Variants in RAB3GAP1 observed in about 807,000 individuals in gnomAD.
The protein encoded by RAB3GAP1 is RAB3 GTPase activating protein catalytic subunit 1.
RAB3GAP1 carries 86 observed loss-of-function variants against 130.7 expected under a neutral mutation model. That is an observed-to-expected ratio of 0.66 (90% CI 0.55 to 0.79). RAB3GAP1 has a LOEUF of 0.79. RAB3GAP1 is among the 30% of genes least tolerant of loss of function. RAB3GAP1 has a pLI of 0.00. For synonymous variants in RAB3GAP1, 367 were observed against 401.7 expected, an observed-to-expected ratio of 0.91 and a Z score of 1.03; for missense variants, 1,029 against 1,169.4, an observed-to-expected ratio of 0.88 and a Z score of 1.75.
chr2:135,090,913 AAG>A (rs1323933720), intron 3 of RAB3GAP1, 83 bp from the exon 4 acceptor site: 25 of 1,304,728 alleles, frequency 1.9e-5, no homozygotes, highest in South Asian at 3.7e-5. Context: ...AGGGCAGAAA[AAG>A]GGGAAAATAT....
intron 3 of RAB3GAP1, among the ~76,000 whole-genome samples, chr2:135,078,688 C>T (rs1370519888): frequency 5.5e-5 from 4 of 72,554 alleles, no homozygotes; most frequent in African/African-American, 3.1e-4. Flanking sequence ...CCCTCCCCTC[C>T]CCTGCCCTCC....
In RAB3GAP1 at chr2:135,169,628, A is replaced by C. The variant is rs1473001925; in HGVS notation, c.*847A>C. The C allele has an allele frequency of 2.6e-6, 1 of 379,686 alleles. No homozygotes were observed. The highest frequency in any genetic ancestry group is 2.1e-5 in the African/African-American group (1 of 47,492). 23.5% of individuals were successfully genotyped at this position (379,686 alleles called of 1,614,324 possible). On this transcript the variant is annotated 3_prime_UTR_variant, in exon 24 of 24. Transcript: ENST00000264158. Reference sequence around the variant, plus strand: ...TAGAGAATAGCACTTGCAAAAATACAGTCTTGGTACCTAGAGACTGTCATG... The same window carrying C: ...TAGAGAATAGCACTTGCAAAAATACCGTCTTGGTACCTAGAGACTGTCATG...
At chr2:135,173,600 C>A (rs1016593646), downstream of RAB3GAP1, among the ~76,000 whole-genome samples, 1 of 152,134 alleles carries the variant, frequency 6.6e-6, no homozygotes, top group African/African-American at 2.4e-5. Flanking sequence ...GCCTCGAGGG[C>A]AGTCTGGGAA....
At chr2:135,123,283 C>T (rs1691255278) in intron 8 of RAB3GAP1, among the ~76,000 whole-genome samples, 2 of 152,108 alleles carry the variant, frequency 1.3e-5, no homozygotes, top group African/African-American at 2.4e-5. Flanking sequence ...TACAAACTCA[C>T]TTGTAACAAT....
chr2:135,140,111 A>ATG (rs1237178174), intron 17 of RAB3GAP1, among the ~76,000 whole-genome samples: 2 of 152,176 alleles, frequency 1.3e-5, no homozygotes, highest in Non-Finnish European at 2.9e-5. Flanking sequence ...ATTCTATTCT[A>ATG]TGAATTTGTC....
intron 11 of RAB3GAP1, among the ~76,000 whole-genome samples, chr2:135,127,380 G>T (rs1324569198): frequency 6.6e-6 from 1 of 150,836 alleles, no homozygotes; most frequent in Non-Finnish European, 1.5e-5. Flanking sequence ...GTCTCACCCT[G>T]TCGCCCAGGC....
chr2:135,173,188 C>T (rs780909482), downstream of RAB3GAP1, among the ~76,000 whole-genome samples: 1 of 151,886 alleles, frequency 6.6e-6, no homozygotes, highest in Non-Finnish European at 1.5e-5. Flanking sequence ...ATAACTAATA[C>T]CCAAGCGGTT....
intron 4 of RAB3GAP1, among the ~76,000 whole-genome samples, chr2:135,092,882 C>T (rs1300765879): frequency 1.3e-5 from 2 of 152,126 alleles, no homozygotes; most frequent in South Asian, 2.1e-4. Context: ...TACAGATACG[C>T]GTTTAAAACT....
At chr2:135,137,308 C>T (rs994587047) in intron 17 of RAB3GAP1, 2 of 238,584 alleles carry the variant, frequency 8.4e-6, no homozygotes, top group African/African-American at 2.3e-5. Context: ...TGAGTATGAT[C>T]GCTTAGGGTG....
intron 23 of RAB3GAP1, among the ~76,000 whole-genome samples, chr2:135,166,894 T>G (rs1318086854): frequency 6.6e-6 from 1 of 152,206 alleles, no homozygotes; most frequent in East Asian, 1.9e-4. Context: ...CTACTGAAAT[T>G]GTACATCCAT....
At chr2:135,129,262 C>CT (rs1388235340) in intron 11 of RAB3GAP1, among the ~76,000 whole-genome samples, 4 of 151,860 alleles carry the variant, frequency 2.6e-5, no homozygotes, top group Non-Finnish European at 5.9e-5. Context: ...ACCATCCTGG[C>CT]TAACACAGTG....
At chr2:135,094,233 T>G (rs935340147) in intron 5 of RAB3GAP1, among the ~76,000 whole-genome samples, 6 of 152,152 alleles carry the variant, frequency 3.9e-5, no homozygotes, top group Non-Finnish European at 8.8e-5. Flanking sequence ...AGCAGGCTTT[T>G]CTTTTCTTTT....
chr2:135,141,229 T>TTC lies in RAB3GAP1; in HGVS notation c.1923+5298_1923+5299insCT, dbSNP rs557405809. 3.9e-3 allele frequency among the ~76,000 whole-genome samples: 477 copies of TTC among 123,278 alleles called. 8 individuals carry two copies. The highest frequency in any genetic ancestry group is 0.015 in the African/African-American group (443 of 30,056). The allele number at this position is 123,278 out of a possible 152,430, so 80.9% of individuals were successfully genotyped here. On this transcript the variant is annotated intron_variant, in intron 17 of 23. Transcript: ENST00000264158. Reference sequence around the variant, plus strand: ...TGTTGCTTATCTATTCACTTACTTCTTTTTTTTTTTTTTTTGAGACAGTCT... The same window carrying TTC: ...TGTTGCTTATCTATTCACTTACTTCTTCTTTTTTTTTTTTTTTGAGACAGTCT...
intron 19 of RAB3GAP1, 176 bp from the exon 20 acceptor site, chr2:135,162,379 G>C (rs1218567691): frequency 1.5e-6 from 1 of 648,568 alleles, no homozygotes; most frequent in African/African-American, 1.8e-5. Flanking sequence ...ATTAAAGATT[G>C]AAGTTCTTAG....
intron 5 of RAB3GAP1, among the ~76,000 whole-genome samples, chr2:135,111,903 A>T (rs1574120281): frequency 6.6e-6 from 1 of 152,216 alleles, no homozygotes; most frequent in African/African-American, 2.4e-5. Flanking sequence ...TCTTTTTAGT[A>T]AAAATCCTTC....
intron 2 of RAB3GAP1, 30 bp from the exon 3 acceptor site, chr2:135,057,981 G>A (rs767199849): frequency 1.4e-6 from 2 of 1,471,688 alleles, no homozygotes; most frequent in Admixed American, 1.7e-5. Flanking sequence ...GTGTGCTGTT[G>A]TATTTAGAAG....
chr2:135,134,267 T>C (rs1368594001), intron 15 of RAB3GAP1, among the ~76,000 whole-genome samples: 1 of 152,192 alleles, frequency 6.6e-6, no homozygotes, highest in African/African-American at 2.4e-5. Flanking sequence ...ATACTGTATC[T>C]CTACAATAGA....
intron 3 of RAB3GAP1, among the ~76,000 whole-genome samples, chr2:135,060,201 GT>G (rs916290385): frequency 7.8e-5 from 11 of 141,198 alleles, no homozygotes; most frequent in Admixed American, 6.3e-4. Flanking sequence ...TTTTTTAATA[GT>G]TTTTTTTTGG....
chr2:135,141,328 G>A (rs779092509), intron 17 of RAB3GAP1, among the ~76,000 whole-genome samples: 3 of 150,888 alleles, frequency 2.0e-5, no homozygotes, highest in Non-Finnish European at 3.0e-5. Flanking sequence ...GGGTTCAAGC[G>A]ATTCTCCTGC....
Sources: allele counts gnomAD v4.1 joint callset (sites outside exome capture counted in the v4.1 genomes callset), GRCh38; gene constraint gnomAD v4.1.1; transcripts MANE v1.5; gene names NCBI Gene and HGNC (gene_info 2026-07-23, HGNC 2026-07-21).